The following RBMS3 variants were observed in gnomAD, a reference collection of about 807,000 sequenced individuals.
RBMS3 encodes RNA binding motif single stranded interacting protein 3.
A neutral mutation model predicts 66.8 loss-of-function variants in RBMS3; 27 were observed. That is an observed-to-expected ratio of 0.40 (90% CI 0.30 to 0.56). RBMS3 has a LOEUF of 0.56. Ranked by LOEUF, RBMS3 falls within the 20% of genes least tolerant of loss-of-function variation. RBMS3 has a pLI of 0.40. For missense variants in RBMS3, 513 were observed against 549.5 expected (o/e 0.93, Z 0.66); for synonymous variants, 188 against 183.0 (o/e 1.03, Z -0.22).
chr3:29,530,593 G>T (rs2045313574), intron 3 of RBMS3, among the ~76,000 whole-genome samples: 1 of 151,924 alleles, frequency 6.6e-6, no homozygotes, highest in Non-Finnish European at 1.5e-5. Context: ...CTGGCACGGT[G>T]GCTCACTCCT....
Position 29,627,358 on chromosome 3 carries a change from C to CT in RBMS3, c.399+40154dup, listed in dbSNP as rs2049102887. On this transcript the variant is annotated intron_variant, in intron 4 of 14. Coordinates refer to ENST00000383767, the MANE Select transcript of RBMS3 (RefSeq NM_001003793.3). ...AAAGCAGAGTTTCCTAACCTCAGCA[C>CT]TATTGGCATTTGAGGCTGGATAAAG... Among the ~76,000 whole-genome samples, 3 of 151,898 alleles carry CT rather than the reference C, an allele frequency of 2.0e-5. No individual in the cohort carries two copies. The South Asian group carries it at 6.2e-4, about 32-fold the overall frequency.
rs538137497 is a variant in RBMS3 at position 29,571,008 on chromosome 3, GA to G, written c.308-16105del. Reference sequence around the variant, plus strand: ...AACATTTGTTATTGCCTGTCTTTTGGATAAAACCATTTTAACTGGGCTGAGA... The same window carrying G: ...AACATTTGTTATTGCCTGTCTTTTGGTAAAACCATTTTAACTGGGCTGAGA... On this transcript the variant is annotated intron_variant, in intron 3 of 14. Transcript: ENST00000383767. 1.5e-4 allele frequency among the ~76,000 whole-genome samples: 23 copies of G among 152,084 alleles called. No individual in the cohort carries two copies. The East Asian group carries it at 4.2e-3, about 28-fold the overall frequency.
chr3:29,507,973 A>T (rs761670629), intron 3 of RBMS3, among the ~76,000 whole-genome samples: 22 of 152,066 alleles, frequency 1.4e-4, no homozygotes, highest in East Asian at 9.7e-4. Context: ...TGCAAGAAAA[A>T]CTCATTTTTT....
chr3:29,831,061 G>C (rs922028508), intron 6 of RBMS3, among the ~76,000 whole-genome samples: 1 of 152,076 alleles, frequency 6.6e-6, no homozygotes, highest in Admixed American at 6.6e-5. Flanking sequence ...AGGGATCTGA[G>C]AAATAAATAT....
In RBMS3 at chr3:29,305,931, A is replaced by G. The variant is rs549236478; in HGVS notation, c.75+24175A>G. Among the ~76,000 whole-genome samples, 16 of 152,136 alleles carry G rather than the reference A, an allele frequency of 1.1e-4. No individual in the cohort carries two copies. The South Asian group carries it at 2.9e-3, about 28-fold the overall frequency. On this transcript the variant is annotated intron_variant, in intron 1 of 14. Coordinates refer to ENST00000383767, the MANE Select transcript of RBMS3 (RefSeq NM_001003793.3). ...TTCAGAGTTTGGGTCCCACTGACTC[A>G]GCTGTCACAGAATAGTCAGAAGGAA...
chr3:29,516,692 A>G (rs2044641643), intron 3 of RBMS3, among the ~76,000 whole-genome samples: 1 of 152,154 alleles, frequency 6.6e-6, no homozygotes, highest in Non-Finnish European at 1.5e-5. Flanking sequence ...TGTTGGGATT[A>G]TAGGCATGAG....
intron 10 of RBMS3, among the ~76,000 whole-genome samples, chr3:29,916,504 T>C (rs1312641769): frequency 1.3e-5 from 2 of 151,930 alleles, no homozygotes; most frequent in African/African-American, 4.8e-5. Flanking sequence ...TTATTGACTG[T>C]TCAGGGGAAG....
At chr3:29,298,441 G>A (rs1472227429) in intron 1 of RBMS3, among the ~76,000 whole-genome samples, 5 of 151,802 alleles carry the variant, frequency 3.3e-5, no homozygotes, top group African/African-American at 1.2e-4. Context: ...TAATCTTCAG[G>A]AAACTTAATA....
At chr3:29,940,926 G>T (rs1329403384) in intron 11 of RBMS3, among the ~76,000 whole-genome samples, 2 of 151,794 alleles carry the variant, frequency 1.3e-5, no homozygotes, top group Admixed American at 1.3e-4. Context: ...TCACTTTATT[G>T]TAAGCTTTAG....
intron 11 of RBMS3, among the ~76,000 whole-genome samples, chr3:29,938,820 C>T (rs1417388722): frequency 1.3e-5 from 2 of 151,964 alleles, no homozygotes; most frequent in African/African-American, 4.8e-5. Flanking sequence ...CCCTTATTAG[C>T]TCTGCATGTT....
At chr3:29,743,859 AG>A (rs2054749417) in intron 5 of RBMS3, among the ~76,000 whole-genome samples, 1 of 149,686 alleles carries the variant, frequency 6.7e-6, no homozygotes, top group Non-Finnish European at 1.5e-5. Flanking sequence ...CTCGTCATTT[AG>A]CATTAGGTAT....
intron 8 of RBMS3, among the ~76,000 whole-genome samples, chr3:29,894,847 A>G (rs2060089002): frequency 6.6e-6 from 1 of 151,624 alleles, no homozygotes; most frequent in Non-Finnish European, 1.5e-5. Context: ...GAGACCAGAA[A>G]TGAAGAAGAG....
chr3:29,898,812 AC>A (rs2060187281), intron 9 of RBMS3, among the ~76,000 whole-genome samples: 1 of 150,160 alleles, frequency 6.7e-6, no homozygotes, highest in Non-Finnish European at 1.5e-5. Context: ...AGCCAAGACC[AC>A]CCATTAAGCC....
intron 1 of RBMS3, among the ~76,000 whole-genome samples, chr3:29,346,428 G>T (rs1480744923): frequency 8.2e-6 from 1 of 122,066 alleles, no homozygotes; most frequent in East Asian, 2.4e-4. Flanking sequence ...TTTTGAGATG[G>T]AGTCTTGCTT....
Position 29,375,123 on chromosome 3 carries a change from T to A in RBMS3, c.76-59620T>A, listed in dbSNP as rs543758154. ...GAAGCAATAGGGAAAGGATTTCTTA[T>A]TTAATAAAGGGTTGGGAAAACTGGC... On this transcript the variant is annotated intron_variant, in intron 1 of 14. Coordinates refer to ENST00000383767, the MANE Select transcript of RBMS3 (RefSeq NM_001003793.3). 1.1e-4 allele frequency among the ~76,000 whole-genome samples: 17 copies of A among 152,320 alleles called. No homozygotes were observed. In the South Asian group the frequency reaches 3.5e-3, roughly 32 times the overall value.
intron 6 of RBMS3, among the ~76,000 whole-genome samples, chr3:29,824,401 C>T (rs1576917072): frequency 6.6e-6 from 1 of 152,086 alleles, no homozygotes; most frequent in East Asian, 1.9e-4. Flanking sequence ...AAATAAATTT[C>T]TGTTGTTTAT....
Position 29,508,397 on chromosome 3 carries a change from T to C in RBMS3, c.307+19898T>C, listed in dbSNP as rs186237842. Among the ~76,000 whole-genome samples the C allele has an allele frequency of 1.4e-4, 22 of 152,272 alleles. No homozygotes were observed. The East Asian group carries it at 3.7e-3, about 25-fold the overall frequency. On this transcript the variant is annotated intron_variant, in intron 3 of 14. Transcript: ENST00000383767. ...CCCCAGTGTGTGATATTCCCCTCCC[T>C]GTGTCCATGCGTTCTCATTGTTCAG...
At chr3:29,635,503 A>C (rs1416960046) in intron 4 of RBMS3, among the ~76,000 whole-genome samples, 1 of 151,778 alleles carries the variant, frequency 6.6e-6, no homozygotes, top group Non-Finnish European at 1.5e-5. Context: ...CACCAGTGAA[A>C]CTCTGGCACA....
intron 6 of RBMS3, among the ~76,000 whole-genome samples, chr3:29,838,725 T>C (rs575733099): frequency 6.6e-6 from 1 of 152,294 alleles, no homozygotes; most frequent in Non-Finnish European, 1.5e-5. Context: ...ATCTTTCTTT[T>C]ATGCAGCAAT....
Sources: gnomAD v4.1 joint callset for allele counts (sites outside exome capture counted in the v4.1 genomes callset) on GRCh38, gnomAD v4.1.1 for gene constraint, MANE v1.5 for transcripts, NCBI Gene and HGNC (gene_info 2026-07-23, HGNC 2026-07-21) for gene names.